GRIK2: variants seen among roughly 807,000 people sequenced by gnomAD.
GRIK2 encodes glutamate ionotropic receptor kainate type subunit 2.
Under a neutral mutation model 100.3 loss-of-function variants are expected in GRIK2, and 32 were observed. The observed-to-expected ratio is 0.32, with a 90% CI of 0.24 to 0.43. The LOEUF is 0.43. GRIK2 is among the 20% of genes least tolerant of loss of function. The pLI, the probability that GRIK2 is intolerant of heterozygous loss-of-function variation, is 1.00. For synonymous variants in GRIK2, 417 were observed against 389.4 expected (o/e 1.07, Z -0.83); for missense variants, 843 against 1,114.9 (o/e 0.76, Z 3.47).
At chr6:101,697,012 A>G (rs1772538807) in intron 7 of GRIK2, among the ~76,000 whole-genome samples, 2 of 152,034 alleles carry the variant, frequency 1.3e-5, no homozygotes, top group African/African-American at 2.4e-5. Context: ...GTCACAAGCC[A>G]TATCTGAATC....
chr6:101,613,074 G>C, intron 2 of GRIK2, among the ~76,000 whole-genome samples: 1 of 151,770 alleles, frequency 6.6e-6, no homozygotes, highest in East Asian at 1.9e-4. Flanking sequence ...AGCTAGAATA[G>C]GTGCAAGTAT....
At chr6:101,909,175 A>C (rs999092716) in intron 12 of GRIK2, among the ~76,000 whole-genome samples, 4 of 151,152 alleles carry the variant, frequency 2.6e-5, no homozygotes, top group Non-Finnish European at 5.9e-5. Context: ...CATAATCAGT[A>C]TAAAAGAGAT....
chr6:101,707,759 T>TAA (rs1353786080), intron 7 of GRIK2, among the ~76,000 whole-genome samples: 1 of 151,338 alleles, frequency 6.6e-6, no homozygotes, highest in East Asian at 2.0e-4. Flanking sequence ...TAATTTAGCA[T>TAA]TTGATGTATA....
chr6:101,466,700 C>A (rs1344330790), intron 2 of GRIK2, among the ~76,000 whole-genome samples: 1 of 151,942 alleles, frequency 6.6e-6, no homozygotes, highest in African/African-American at 2.4e-5. Flanking sequence ...AGATGTCAAC[C>A]TTTATGGAGA....
intron 14 of GRIK2, among the ~76,000 whole-genome samples, chr6:101,931,288 A>T (rs1168714209): frequency 6.6e-6 from 1 of 152,118 alleles, no homozygotes; most frequent in Admixed American, 6.6e-5. Context: ...TACATTTTAT[A>T]CAATTCTTTC....
chr6:101,853,807 T>C (rs1197135435), intron 10 of GRIK2, among the ~76,000 whole-genome samples: 1 of 152,132 alleles, frequency 6.6e-6, no homozygotes, highest in African/African-American at 2.4e-5. Flanking sequence ...GAAACTTAAA[T>C]GCTTATTACC....
intron 1 of GRIK2, chr6:101,398,706 CTTCT>C: frequency 3.6e-6 from 1 of 277,704 alleles, no homozygotes; most frequent in Non-Finnish European, 6.6e-6. Context: ...ATAAATCCTA[CTTCT>C]TTCTTGCAAC....
chr6:101,919,613 T>A (rs1435835629), intron 12 of GRIK2, among the ~76,000 whole-genome samples: 1 of 151,752 alleles, frequency 6.6e-6, no homozygotes, highest in African/African-American at 2.4e-5. Flanking sequence ...TTTGTAATCA[T>A]CAGTATAGAA....
At chr6:101,569,098 A>G in intron 2 of GRIK2, among the ~76,000 whole-genome samples, 1 of 152,080 alleles carries the variant, frequency 6.6e-6, no homozygotes, top group East Asian at 1.9e-4. Flanking sequence ...GACTTCTGAA[A>G]TTGCAAAGAC....
chr6:101,760,698 A>G (rs1221136145), intron 7 of GRIK2, among the ~76,000 whole-genome samples: 8 of 118,918 alleles, frequency 6.7e-5, no homozygotes, highest in African/African-American at 9.8e-5. Context: ...ATATAATTAT[A>G]TATAATTATA....
intron 14 of GRIK2, among the ~76,000 whole-genome samples, chr6:101,941,472 T>C (rs1790948163): frequency 6.6e-6 from 1 of 151,846 alleles, no homozygotes; most frequent in Admixed American, 6.6e-5. Context: ...TCTCAGAAAA[T>C]ACAAACTGAA....
intron 10 of GRIK2, among the ~76,000 whole-genome samples, chr6:101,830,117 A>C (rs1482712068): frequency 6.6e-6 from 1 of 152,054 alleles, no homozygotes; most frequent in Non-Finnish European, 1.5e-5. Flanking sequence ...CTCAGAAATA[A>C]GGCTACACTC....
chr6:101,806,588 A>G (rs950681948), intron 9 of GRIK2, among the ~76,000 whole-genome samples: 2 of 149,552 alleles, frequency 1.3e-5, no homozygotes, highest in African/African-American at 4.9e-5. Flanking sequence ...TCATGTCATC[A>G]TGTTCTCAGA....
intron 2 of GRIK2, among the ~76,000 whole-genome samples, chr6:101,544,602 T>C (rs544169436): frequency 6.6e-6 from 1 of 152,324 alleles, no homozygotes; most frequent in Non-Finnish European, 1.5e-5. Context: ...GCTCTGTACC[T>C]GTAGTATACC....
intron 7 of GRIK2, among the ~76,000 whole-genome samples, chr6:101,798,359 C>G (rs1780456775): frequency 6.6e-6 from 1 of 151,904 alleles, no homozygotes; most frequent in Non-Finnish European, 1.5e-5. Flanking sequence ...AGGATGTATG[C>G]CTCAATGAAC....
chr6:101,636,081 G>A (rs1281674842), intron 4 of GRIK2, among the ~76,000 whole-genome samples: 2 of 152,180 alleles, frequency 1.3e-5, no homozygotes, highest in East Asian at 3.9e-4. Context: ...GTTCACAATA[G>A]CAAAGACAGA....
intron 2 of GRIK2, among the ~76,000 whole-genome samples, chr6:101,453,580 C>A (rs962038866): frequency 2.6e-5 from 4 of 151,868 alleles, no homozygotes; most frequent in Non-Finnish European, 5.9e-5. Flanking sequence ...AAATTGATAG[C>A]GCTAACCTAG....
rs373533863 is a variant in GRIK2 at position 101,913,348 on chromosome 6, T to A, written c.1749-11253T>A. 2.0e-5 allele frequency among the ~76,000 whole-genome samples: 3 copies of A among 151,774 alleles called. No homozygotes were observed. The East Asian group carries it at 5.8e-4, about 29-fold the overall frequency. On this transcript the variant is annotated intron_variant, in intron 12 of 16. Coordinates refer to ENST00000369134, the MANE Select transcript of GRIK2 (RefSeq NM_021956.5). Reference sequence around the variant, plus strand: ...ATGGAAAAAGCAGCTCTGCTCTGAATCTTCTACATCCACTGGCATCTACAT... The same window carrying A: ...ATGGAAAAAGCAGCTCTGCTCTGAAACTTCTACATCCACTGGCATCTACAT...
chr6:101,397,375 T>C (rs1180859248), intron 1 of GRIK2, among the ~76,000 whole-genome samples: 2 of 152,206 alleles, frequency 1.3e-5, no homozygotes, highest in African/African-American at 4.8e-5. Flanking sequence ...TTATAAGAGA[T>C]ATTTTAAACA....
Sources: allele counts gnomAD v4.1 joint callset (sites outside exome capture counted in the v4.1 genomes callset), GRCh38; gene constraint gnomAD v4.1.1; transcripts MANE v1.5; gene names NCBI Gene and HGNC (gene_info 2026-07-23, HGNC 2026-07-21).